GPR158: variants seen among roughly 807,000 people sequenced by gnomAD.
GPR158 encodes G protein-coupled receptor 158.
In GPR158, 30 loss-of-function variants were observed where a neutral mutation model predicts 78.2. The ratio of observed to expected loss-of-function variants is 0.38; its 90% CI spans 0.29 to 0.52. GPR158 has a LOEUF of 0.52. GPR158 is among the 20% of genes least tolerant of loss of function. The probability of loss-of-function intolerance (pLI) is 0.83; values close to 1 mark genes in which losing one functional copy is unlikely to be tolerated. For synonymous variants in GPR158, 581 were observed against 591.1 expected (o/e 0.98, Z 0.25); for missense variants, 1,463 against 1,523.5 (o/e 0.96, Z 0.66).
rs578053928 is a variant in GPR158, at chr10:25,516,428, G to C, written c.1405-34548G>C. 2.1e-3 allele frequency among the ~76,000 whole-genome samples: 321 copies of C among 152,114 alleles called. 3 individuals carry two copies. Among genetic ancestry groups the C allele is most frequent in the African/African-American group, 7.4e-3 (308 of 41,438 alleles). ...TGCTGCCATTGCTTTTGGTGTTTTGGACGTGAAGTCCTTGCCCATGCCTAT... is the reference window on the plus strand; with the variant it reads ...TGCTGCCATTGCTTTTGGTGTTTTGCACGTGAAGTCCTTGCCCATGCCTAT... On this transcript the variant is annotated intron_variant, in intron 5 of 10. Transcript: ENST00000376351.
intron 2 of GPR158, among the ~76,000 whole-genome samples, chr10:25,349,716 A>G (rs1267446718): frequency 1.4e-5 from 2 of 146,570 alleles, no homozygotes; most frequent in Non-Finnish European, 2.9e-5. Context: ...TTCTTCATAT[A>G]TTACGCAATT....
chr10:25,434,769 T>C (rs1343128960), intron 4 of GPR158, among the ~76,000 whole-genome samples: 1 of 152,196 alleles, frequency 6.6e-6, no homozygotes, highest in East Asian at 1.9e-4. Flanking sequence ...ATGTGATAGC[T>C]TTTAAACCTT....
At chr10:25,526,196 C>T (rs955372963) in intron 5 of GPR158, among the ~76,000 whole-genome samples, 6 of 147,838 alleles carry the variant, frequency 4.1e-5, no homozygotes, top group Admixed American at 2.0e-4. Context: ...GCAGATACAA[C>T]TCTGGAAAAT....
intron 2 of GPR158, among the ~76,000 whole-genome samples, chr10:25,309,565 T>A (rs1854733833): frequency 6.6e-6 from 1 of 152,172 alleles, no homozygotes; most frequent in Admixed American, 6.6e-5. Flanking sequence ...AGTTTTTCTA[T>A]TTTTTCTATT....
intron 5 of GPR158, among the ~76,000 whole-genome samples, chr10:25,486,862 TA>T (rs138096943): frequency 3.3e-5 from 5 of 149,952 alleles, no homozygotes; most frequent in South Asian, 2.1e-4. Context: ...GAAAGTGAAA[TA>T]AAAAAAATAG....
At chr10:25,515,004 T>C (rs1836143098) in intron 5 of GPR158, among the ~76,000 whole-genome samples, 2 of 152,176 alleles carry the variant, frequency 1.3e-5, no homozygotes, top group Non-Finnish European at 2.9e-5. Flanking sequence ...GGTGATGATC[T>C]TTTTGTGATA....
At position 25,366,110 on chromosome 10, in the gene GPR158, T is replaced by G. The variant is rs149980883; in HGVS notation, c.1009-29801T>G. ...TTATTTTAATATAGCACAATTTATTTCTTCATTCTACTGTAGACAAACTTT... is the reference window on the plus strand; with the variant it reads ...TTATTTTAATATAGCACAATTTATTGCTTCATTCTACTGTAGACAAACTTT... On this transcript the variant is annotated intron_variant, in intron 2 of 10. Transcript: ENST00000376351. Among the ~76,000 whole-genome samples the G allele has an allele frequency of 7.6e-3, 1,152 of 151,302 alleles. 3 individuals are homozygous for G. Among genetic ancestry groups the G allele is most frequent in the Middle Eastern group, 0.01 (3 of 294 alleles).
intron 2 of GPR158, among the ~76,000 whole-genome samples, chr10:25,297,730 A>G (rs1854536951): frequency 6.6e-6 from 1 of 152,232 alleles, no homozygotes; most frequent in Non-Finnish European, 1.5e-5. Flanking sequence ...ACCTATAGAA[A>G]GAAAACTAGA....
At chr10:25,521,739 C>T (rs1271275456) in intron 5 of GPR158, among the ~76,000 whole-genome samples, 2 of 152,180 alleles carry the variant, frequency 1.3e-5, no homozygotes, top group Non-Finnish European at 2.9e-5. Context: ...GTCATCCTTG[C>T]ACATGGGCCA....
intron 2 of GPR158, among the ~76,000 whole-genome samples, chr10:25,234,672 A>G (rs1685045443): frequency 6.6e-6 from 1 of 152,204 alleles, no homozygotes; most frequent in Non-Finnish European, 1.5e-5. Context: ...GTGTATATAA[A>G]GACCAATTTG....
At chr10:25,308,965 T>G (rs2130459446) in intron 2 of GPR158, among the ~76,000 whole-genome samples, 1 of 152,350 alleles carries the variant, frequency 6.6e-6, no homozygotes, top group East Asian at 1.9e-4. Context: ...TGATGGACAC[T>G]TGGGTTGTTT....
chr10:25,314,361 A>G (rs1854814859), intron 2 of GPR158, among the ~76,000 whole-genome samples: 1 of 152,080 alleles, frequency 6.6e-6, no homozygotes, highest in Non-Finnish European at 1.5e-5. Flanking sequence ...GGCCTCCCAA[A>G]ATGCTGGGAT....
chr10:25,444,144 A>C (rs1037747029), intron 4 of GPR158, among the ~76,000 whole-genome samples: 13 of 152,134 alleles, frequency 8.5e-5, no homozygotes, highest in Non-Finnish European at 1.6e-4. Flanking sequence ...CTGGTGGTTG[A>C]AAACCACAGG....
intron 2 of GPR158, among the ~76,000 whole-genome samples, chr10:25,241,413 T>TCTCTTCTCTTCTCTTCTC (rs1564399845): frequency 7.2e-5 from 10 of 138,544 alleles, no homozygotes; most frequent in African/African-American, 2.5e-4. Flanking sequence ...TCTCTTCTCT[T>TCTCTTCTCTTCTCTTCTC]TTCTTTTCTT....
rs557143314 is a variant in GPR158, at chr10:25,597,896, G to A, written c.2270G>A (p.Arg757His). The change falls in exon 11 of 11, where the codon CGC becomes CAC. Residue 757 changes from arginine to histidine, a missense_variant. Transcript: ENST00000376351. ...KKGLGRSIMR[R>H]ITEIPETVSR... ...GGCCTAGGTCGTTCCATCATGAGAC[G>A]CATTACGGAGATCCCAGAGACAGTC... 18 of 1,609,174 alleles carry A rather than the reference G, an allele frequency of 1.1e-5. No homozygotes were observed. The highest frequency in any genetic ancestry group is 1.3e-5 in the African/African-American group (1 of 74,648).
intron 5 of GPR158, among the ~76,000 whole-genome samples, chr10:25,497,526 A>G (rs1173688487): frequency 1.3e-5 from 2 of 152,232 alleles, no homozygotes; most frequent in Non-Finnish European, 2.9e-5. Flanking sequence ...ATTTTAGTCT[A>G]GTACTAGCGT....
chr10:25,456,657 A>C (rs1835295458), intron 4 of GPR158, among the ~76,000 whole-genome samples: 1 of 152,246 alleles, frequency 6.6e-6, no homozygotes, highest in Admixed American at 6.5e-5. Flanking sequence ...AAAAAGGTTC[A>C]AATGTTAAAG....
intron 2 of GPR158, among the ~76,000 whole-genome samples, chr10:25,284,682 C>A (rs181236940): frequency 6.6e-6 from 1 of 151,594 alleles, no homozygotes; most frequent in Admixed American, 6.6e-5. Context: ...TATTCTTGTT[C>A]TTTATTTTTT....
chr10:25,436,206 A>T (rs1248896138), intron 4 of GPR158, among the ~76,000 whole-genome samples: 6 of 152,044 alleles, frequency 3.9e-5, no homozygotes, highest in African/African-American at 1.4e-4. Flanking sequence ...TACATGAGAC[A>T]TGTGTATACT....
Sources: gnomAD v4.1 joint callset for allele counts (sites outside exome capture counted in the v4.1 genomes callset) on GRCh38, gnomAD v4.1.1 for gene constraint, MANE v1.5 for transcripts, NCBI Gene and HGNC (gene_info 2026-07-23, HGNC 2026-07-21) for gene names.